Variants in PRKAA1 observed in about 807,000 individuals in gnomAD.
PRKAA1 encodes the protein protein kinase AMP-activated catalytic subunit alpha 1, also known as 5'-AMP-activated protein kinase catalytic subunit alpha-1.
A neutral mutation model predicts 56.9 loss-of-function variants in PRKAA1; 23 were observed. The observed-to-expected ratio is 0.40, with a 90% CI of 0.29 to 0.57. The LOEUF is 0.57. PRKAA1 is among the 20% of genes least tolerant of loss of function. The probability of loss-of-function intolerance (pLI) is 0.39; values close to 1 mark genes in which losing one functional copy is unlikely to be tolerated. For synonymous variants in PRKAA1, 226 were observed against 227.0 expected (o/e 1.00, Z 0.04); for missense variants, 413 against 679.7 (o/e 0.61, Z 4.36).
At position 40,760,905 on chromosome 5, in the gene PRKAA1, T is replaced by G. The variant is rs1270547129; in HGVS notation, c.*1873A>C. ...AATGATTAATACAAAAAAATCAATT[T>G]CTTAAAGTTAACATAAGGCAAATAT... On this transcript the variant is annotated 3_prime_UTR_variant, in exon 9 of 9. Coordinates refer to ENST00000397128, the MANE Select transcript of PRKAA1 (RefSeq NM_006251.6). The G allele has an allele frequency of 6.6e-6, 1 of 152,296 alleles. No homozygotes were observed. Among genetic ancestry groups the G allele is most frequent in the African/African-American group, 2.4e-5 (1 of 41,438 alleles). 9.4% of individuals were successfully genotyped at this position (152,296 alleles called of 1,614,324 possible).
At chr5:40,771,681 T>C in intron 4 of PRKAA1, 38 bp downstream of exon 4, 2 of 1,571,666 alleles carry the variant, frequency 1.3e-6, no homozygotes, top group South Asian at 2.3e-5. Flanking sequence ...ATAAGAACAT[T>C]AGAAATGAAC....
chr5:40,794,001 T>C (rs902666253), intron 1 of PRKAA1, among the ~76,000 whole-genome samples: 3 of 151,914 alleles, frequency 2.0e-5, no homozygotes, highest in African/African-American at 4.8e-5. Flanking sequence ...ACTAGGGAAG[T>C]TGAGGCAGAA....
At chr5:40,789,632 A>G (rs1454618881) in intron 1 of PRKAA1, among the ~76,000 whole-genome samples, 2 of 152,230 alleles carry the variant, frequency 1.3e-5, no homozygotes, top group Non-Finnish European at 2.9e-5. Flanking sequence ...AGCTGGGGTA[A>G]GTGGGGCTGG....
chr5:40,777,737 C>A, intron 1 of PRKAA1, 151 bp from the exon 2 acceptor site: 2 of 663,978 alleles, frequency 3.0e-6, no homozygotes, highest in Non-Finnish European at 4.8e-6. Flanking sequence ...AGTTCGAAAC[C>A]AATCTGGCCA....
intron 8 of PRKAA1, 101 bp from the exon 9 acceptor site, chr5:40,763,123 C>T: frequency 8.6e-7 from 1 of 1,162,022 alleles, no homozygotes; most frequent in Non-Finnish European, 1.2e-6. Context: ...TGCTGGCCAG[C>T]TATCAAGAGC....
At chr5:40,781,666 A>G (rs974261473) in intron 1 of PRKAA1, among the ~76,000 whole-genome samples, 1 of 152,222 alleles carries the variant, frequency 6.6e-6, no homozygotes, top group African/African-American at 2.4e-5. Flanking sequence ...CAGTAAAATT[A>G]AAGTTCTGTA....
In PRKAA1 at chr5:40,781,081, C is replaced by T. The variant is rs112277884; in HGVS notation, c.128-3495G>A. Among the ~76,000 whole-genome samples, 704 of 152,206 alleles carry T rather than the reference C, an allele frequency of 4.6e-3. 5 individuals are homozygous for T. The highest frequency in any genetic ancestry group is 0.016 in the African/African-American group (661 of 41,534). On this transcript the variant is annotated intron_variant, in intron 1 of 8. Coordinates refer to ENST00000397128, the MANE Select transcript of PRKAA1 (RefSeq NM_006251.6). ...ATGATGCAACTATCTTTCATACAAC[C>T]GAATGTGCACTAATTTCTACCCCAG...
intron 1 of PRKAA1, among the ~76,000 whole-genome samples, chr5:40,792,046 G>T (rs1232475533): frequency 6.6e-6 from 1 of 152,142 alleles, no homozygotes; most frequent in Non-Finnish European, 1.5e-5. Context: ...AAGTACAAAA[G>T]CATCTATGGT....
At chr5:40,797,726 C>A (rs1410126473) in intron 1 of PRKAA1, among the ~76,000 whole-genome samples, 1 of 152,206 alleles carries the variant, frequency 6.6e-6, no homozygotes, top group Non-Finnish European at 1.5e-5. Context: ...GCGCCCGGCG[C>A]CCCCTCCCAG....
chr5:40,762,809 C>T lies in PRKAA1; in HGVS notation c.1649G>A (p.Cys550Tyr), dbSNP rs1743250958. 6.2e-7 allele frequency: 1 copy of T among 1,613,988 alleles called. No individual in the cohort carries two copies. Among genetic ancestry groups the T allele is most frequent in the Non-Finnish European group, 8.5e-7 (1 of 1,180,002 alleles). ...TGCAAGAATTTTAATTAGATTTGCA[C>T]ACATCTCAAAAAATTCTATTGTGTG... is the stretch of plus-strand genomic sequence containing the variant. ...GSHTIEFFEM[C>Y]ANLIKILAQ Residue 550 changes from cysteine to tyrosine, a missense_variant, in exon 9 of 9, where the codon TGT becomes TAT. Physicochemically the swap from Cys to Tyr is radical, Grantham distance 194 (BLOSUM62 -2). Coordinates refer to ENST00000397128, the MANE Select transcript of PRKAA1 (RefSeq NM_006251.6).
intron 1 of PRKAA1, among the ~76,000 whole-genome samples, chr5:40,797,161 A>T (rs957696487): frequency 3.9e-5 from 6 of 152,200 alleles, no homozygotes; most frequent in Non-Finnish European, 8.8e-5. Flanking sequence ...ATAGTGGTGA[A>T]GTCTGGGCTT....
Position 40,775,397 on chromosome 5 carries a change from C to T in PRKAA1, c.363+13G>A, listed in dbSNP as rs72747978. On this transcript the variant is annotated intron_variant, in intron 3 of 8. Coordinates refer to ENST00000397128, the MANE Select transcript of PRKAA1 (RefSeq NM_006251.6). ...TTACAAAATACATACAGAATTAAAG[C>T]AGAACAGCTTACCCTTCCATTCTTA... The T allele has an allele frequency of 0.022, 33,701 of 1,565,864 alleles. 425 individuals carry two copies. Among genetic ancestry groups the T allele is most frequent in the Non-Finnish European group, 0.025 (28,049 of 1,136,488 alleles).
rs1743347085 is a variant in PRKAA1 at position 40,764,754 on chromosome 5, T to G, written c.1306A>C (p.Lys436Gln). Residue 436 changes from lysine (K) to glutamine (Q), a missense_variant and splice_region_variant, in exon 7 of 9, where the codon AAG becomes CAG. By Grantham distance (53) the Lys-to-Gln change is moderately conservative. Around this residue, in one of 9 missense-constraint regions of PRKAA1, gnomAD observed 139 missense variants for 171.5 expected, o/e 0.81. Transcript: ENST00000397128. ...RAIKQLDYEW[K>Q]VVNPYYLRVR... is the part of the protein sequence containing the mutation. Reference sequence around the variant, plus strand: ...TCAAAATGTTATTTCTTTCTTACCTTCCATTCATAATCCAATTGTTTGATT... The same window carrying G: ...TCAAAATGTTATTTCTTTCTTACCTGCCATTCATAATCCAATTGTTTGATT... 6.2e-7 allele frequency: 1 copy of G among 1,608,270 alleles called. No homozygotes were observed. Among genetic ancestry groups the G allele is most frequent in the African/African-American group, 1.3e-5 (1 of 74,912 alleles).
At chr5:40,770,041 AAAC>A (rs1389852060) in intron 4 of PRKAA1, among the ~76,000 whole-genome samples, 1 of 152,174 alleles carries the variant, frequency 6.6e-6, no homozygotes, top group Non-Finnish European at 1.5e-5. Context: ...TTTTAAAAAA[AAAC>A]AAAACACCAA....
intron 8 of PRKAA1, 32 bp downstream of exon 8, chr5:40,764,482 C>A (rs779183474): frequency 8.2e-6 from 13 of 1,577,872 alleles, no homozygotes; most frequent in Non-Finnish European, 8.6e-7. Flanking sequence ...GTAACAAGGT[C>A]TAATCTATGT....
chr5:40,769,591 A>G, intron 4 of PRKAA1, 88 bp from the exon 5 acceptor site: 1 of 1,064,486 alleles, frequency 9.4e-7, no homozygotes, highest in Non-Finnish European at 1.4e-6. Flanking sequence ...GTTTGCATTA[A>G]AATGATAAAT....
chr5:40,786,246 C>A (rs1438822337), intron 1 of PRKAA1, among the ~76,000 whole-genome samples: 19 of 123,242 alleles, frequency 1.5e-4, no homozygotes, highest in African/African-American at 5.4e-4. Flanking sequence ...CAGAGTGAGA[C>A]TCCGTCTCAA....
rs752687824 is a variant in PRKAA1, at chr5:40,775,368, G to A, written c.363+42C>T. ...TTTTGATGCTAGTAAAGGATAAAGG[G>A]GAGTTACAAAATACATACAGAATTA... On this transcript the variant is annotated intron_variant, in intron 3 of 8. Coordinates refer to ENST00000397128, the MANE Select transcript of PRKAA1 (RefSeq NM_006251.6). 3 of 1,447,732 alleles carry A rather than the reference G, an allele frequency of 2.1e-6. No homozygotes were observed. In the Admixed American group the frequency reaches 5.0e-5, roughly 24 times the overall value. The allele number at this position is 1,447,732 out of a possible 1,614,324, so 89.7% of individuals were successfully genotyped here.
chr5:40,796,461 C>A (rs1744933962), intron 1 of PRKAA1, among the ~76,000 whole-genome samples: 2 of 151,546 alleles, frequency 1.3e-5, no homozygotes, highest in East Asian at 1.9e-4. Context: ...TTTTTTTTTA[C>A]AAACACTTGT....
Sources: gnomAD v4.1 joint callset for allele counts (sites outside exome capture counted in the v4.1 genomes callset) on GRCh38, gnomAD v4.1.1 for gene constraint, gnomAD v4.1.1 regional missense constraint, MANE v1.5 for transcripts, NCBI Gene and HGNC (gene_info 2026-07-23, HGNC 2026-07-21) for gene names.